Variants in NAV2 observed in about 807,000 individuals in gnomAD.
The protein encoded by NAV2 is neuron navigator 2, also known as helicase, APC down-regulated 1.
A neutral mutation model predicts 223.2 loss-of-function variants in NAV2; 54 were observed. That is an observed-to-expected ratio of 0.24 (90% CI 0.19 to 0.30). The LOEUF is 0.30. Among genes scored for constraint, NAV2 ranks in the 10% least tolerant of loss-of-function variants. NAV2 has a pLI of 1.00. For synonymous variants in NAV2, 1,279 were observed against 1,239.3 expected (o/e 1.03, Z -0.67); for missense variants, 2,806 against 3,147.5 (o/e 0.89, Z 2.60).
intron 2 of NAV2, among the ~76,000 whole-genome samples, chr11:19,840,133 A>C (rs999965643): frequency 5.9e-5 from 9 of 151,930 alleles, no homozygotes; most frequent in Non-Finnish European, 1.2e-4. Flanking sequence ...GAGGCCCAAA[A>C]CTCATTTTGT....
At chr11:19,950,501 A>G (rs1389872336) in intron 10 of NAV2, among the ~76,000 whole-genome samples, 1 of 152,212 alleles carries the variant, frequency 6.6e-6, no homozygotes, top group Non-Finnish European at 1.5e-5. Flanking sequence ...AAATACTACA[A>G]CTACTAGAGT....
rs58981618 is a variant in NAV2 at position 19,587,960 on chromosome 11, G to A, written c.75+236933G>A. On this transcript the variant is annotated intron_variant, in intron 1 of 37. Coordinates refer to the NAV2 transcript ENST00000360655. The stretch of plus-strand genomic sequence containing the variant: ...TGTGATATGCAAATAGAGTGCCATT[G>A]GGTCTAGTACCTGGTCAACCATGAG... 6.2e-3 allele frequency among the ~76,000 whole-genome samples: 945 copies of A among 152,336 alleles called. 10 individuals are homozygous for A. Among genetic ancestry groups the A allele is most frequent in the African/African-American group, 0.022 (897 of 41,578 alleles).
chr11:19,746,733 T>C (rs1208840961), intron 1 of NAV2, among the ~76,000 whole-genome samples: 1 of 152,076 alleles, frequency 6.6e-6, no homozygotes, highest in Non-Finnish European at 1.5e-5. Context: ...CACCTCGTAT[T>C]GCCCCATCCA....
intron 11 of NAV2, chr11:20,027,318 G>C: frequency 1.0e-6 from 1 of 985,400 alleles, no homozygotes; most frequent in Middle Eastern, 5.2e-4. Context: ...GGGGTTTCAC[G>C]GGAACAATTG....
At chr11:19,582,468 A>C (rs1312156509) in intron 1 of NAV2, among the ~76,000 whole-genome samples, 1 of 152,172 alleles carries the variant, frequency 6.6e-6, no homozygotes, top group Non-Finnish European at 1.5e-5. Context: ...GGTATTGCCT[A>C]GGTTTTCTTC....
chr11:19,456,522 T>C (rs952385487), intron 1 of NAV2, among the ~76,000 whole-genome samples: 1 of 152,156 alleles, frequency 6.6e-6, no homozygotes, highest in Non-Finnish European at 1.5e-5. Context: ...ATACCTACTT[T>C]CTTTCTTGGC....
intron 3 of NAV2, among the ~76,000 whole-genome samples, chr11:19,847,131 A>G (rs188035950): frequency 6.6e-6 from 1 of 152,262 alleles, no homozygotes; most frequent in East Asian, 1.9e-4. Flanking sequence ...GTTAGTGTGG[A>G]AGGAAAAACA....
chr11:19,576,524 T>C (rs2045575430), intron 1 of NAV2, among the ~76,000 whole-genome samples: 2 of 152,180 alleles, frequency 1.3e-5, no homozygotes, highest in Non-Finnish European at 2.9e-5. Context: ...TATATTGAGA[T>C]AGTTATTTGG....
chr11:19,896,816 C>G (rs1446349810), intron 6 of NAV2, among the ~76,000 whole-genome samples: 6 of 152,202 alleles, frequency 3.9e-5, no homozygotes, highest in Non-Finnish European at 5.9e-5. Context: ...TTGTGGAAGT[C>G]AGTGTGGTGA....
At chr11:19,630,564 A>G (rs1192488153) in intron 1 of NAV2, among the ~76,000 whole-genome samples, 1 of 152,126 alleles carries the variant, frequency 6.6e-6, no homozygotes, top group African/African-American at 2.4e-5. Flanking sequence ...TGTTTTGTCT[A>G]CCATGCTTCC....
At chr11:19,808,435 C>T (rs1335205467) in intron 1 of NAV2, among the ~76,000 whole-genome samples, 2 of 152,132 alleles carry the variant, frequency 1.3e-5, no homozygotes, top group African/African-American at 2.4e-5. Context: ...GTAGAAAATG[C>T]AGTTAGATTT....
intron 1 of NAV2, among the ~76,000 whole-genome samples, chr11:19,402,916 A>C (rs892149769): frequency 6.6e-6 from 1 of 152,230 alleles, no homozygotes; most frequent in Non-Finnish European, 1.5e-5. Flanking sequence ...GAGGAGAAAA[A>C]AGAATATTAC....
chr11:19,435,771 A>G (rs1047680006), intron 1 of NAV2, among the ~76,000 whole-genome samples: 1 of 152,138 alleles, frequency 6.6e-6, no homozygotes, highest in African/African-American at 2.4e-5. Context: ...CCAGCCTAAC[A>G]GGTGTGAGAT....
intron 10 of NAV2, among the ~76,000 whole-genome samples, chr11:19,966,618 A>C (rs994897660): frequency 2.6e-5 from 4 of 152,110 alleles, no homozygotes; most frequent in African/African-American, 9.7e-5. Context: ...GAGCCTTTGC[A>C]TGAGTCTGCT....
intron 6 of NAV2, among the ~76,000 whole-genome samples, chr11:19,902,331 A>G (rs1390475846): frequency 6.6e-6 from 1 of 152,218 alleles, no homozygotes. Context: ...TGTGAAACTA[A>G]TAACCTTTAA....
In NAV2 at chr11:19,792,476, C is replaced by T. The variant is rs112739743; in HGVS notation, c.268-40008C>T. Reference sequence around the variant, plus strand: ...GGTTTTTCTGAGCCCATTGAAGATCCGTGTCCTAACTGTATGCACCTCACG... The same window carrying T: ...GGTTTTTCTGAGCCCATTGAAGATCTGTGTCCTAACTGTATGCACCTCACG... On this transcript the variant is annotated intron_variant, in intron 1 of 37. Coordinates refer to ENST00000349880, the MANE Select transcript of NAV2 (RefSeq NM_145117.5). Among the ~76,000 whole-genome samples, 205 of 152,306 alleles carry T rather than the reference C, an allele frequency of 1.3e-3. 1 individual carries two copies. Among genetic ancestry groups the T allele is most frequent in the African/African-American group, 4.7e-3 (196 of 41,562 alleles).
intron 1 of NAV2, among the ~76,000 whole-genome samples, chr11:19,770,549 G>A (rs2055635112): frequency 1.3e-5 from 2 of 152,138 alleles, no homozygotes; most frequent in Admixed American, 1.3e-4. Flanking sequence ...GTTGAACAGA[G>A]CAAATAAATT....
At chr11:19,491,863 T>C (rs913567490) in intron 1 of NAV2, among the ~76,000 whole-genome samples, 1 of 152,164 alleles carries the variant, frequency 6.6e-6, no homozygotes, top group South Asian at 2.1e-4. Flanking sequence ...GATGTGCGAC[T>C]CTTCCTTTCA....
At chr11:19,629,310 C>G (rs1025085720) in intron 1 of NAV2, among the ~76,000 whole-genome samples, 1 of 152,060 alleles carries the variant, frequency 6.6e-6, no homozygotes, top group African/African-American at 2.4e-5. Flanking sequence ...TTCTCCTATC[C>G]CTTCTGGCTC....
Sources: gnomAD v4.1 joint callset for allele counts (sites outside exome capture counted in the v4.1 genomes callset) on GRCh38, gnomAD v4.1.1 for gene constraint, MANE v1.5 for transcripts, NCBI Gene and HGNC (gene_info 2026-07-23, HGNC 2026-07-21) for gene names.